The following DPP10 variants were observed in gnomAD, a reference collection of about 807,000 sequenced individuals.
DPP10 encodes the protein inactive dipeptidyl peptidase 10.
DPP10 carries 33 observed loss-of-function variants against 120.9 expected under a neutral mutation model. That is an observed-to-expected ratio of 0.27 (90% CI 0.21 to 0.37). The LOEUF is 0.37. Among genes scored for constraint, DPP10 ranks in the 10% least tolerant of loss-of-function variants. The pLI, the probability that DPP10 is intolerant of heterozygous loss-of-function variation, is 1.00. For missense variants in DPP10, 816 were observed against 942.8 expected (o/e 0.87, Z 1.76); for synonymous variants, 337 against 326.1 (o/e 1.03, Z -0.36).
At chr2:114,594,400 C>T (rs1180246301) in intron 1 of DPP10, among the ~76,000 whole-genome samples, 1 of 148,202 alleles carries the variant, frequency 6.7e-6, no homozygotes, top group Non-Finnish European at 1.5e-5. Context: ...ATATAAACTC[C>T]CTTTTACATA....
At position 114,989,255 on chromosome 2, in the gene DPP10, G is replaced by T. The variant is rs549216584; in HGVS notation, c.61-319984G>T. On this transcript the variant is annotated intron_variant, in intron 1 of 25. Transcript: ENST00000410059. ...CAGTTCATAGGACATTGTCATCAGG[G>T]GTCTATGCAAGGTTCTCTTATATTT... Among the ~76,000 whole-genome samples, 26 of 152,132 alleles carry T rather than the reference G, an allele frequency of 1.7e-4. No individual in the cohort carries two copies. The South Asian group carries it at 3.3e-3, about 19-fold the overall frequency.
chr2:115,111,240 CTTT>C (rs371558664), intron 1 of DPP10, among the ~76,000 whole-genome samples: 1 of 142,578 alleles, frequency 7.0e-6, no homozygotes, highest in Admixed American at 7.0e-5. Context: ...GGTGTTTTTG[CTTT>C]TTTTTTTTTT....
At chr2:115,331,790 A>G (rs772010563) in intron 2 of DPP10, among the ~76,000 whole-genome samples, 2 of 152,160 alleles carry the variant, frequency 1.3e-5, no homozygotes, top group African/African-American at 2.4e-5. Flanking sequence ...ATCATGGTGG[A>G]TAAGCTTTTT....
intron 3 of DPP10, among the ~76,000 whole-genome samples, chr2:115,383,911 T>C (rs1415184553): frequency 6.6e-6 from 1 of 152,180 alleles, no homozygotes; most frequent in Non-Finnish European, 1.5e-5. Context: ...TGTATCTTTT[T>C]AAAAACTTAA....
intron 1 of DPP10, among the ~76,000 whole-genome samples, chr2:115,273,802 C>T (rs150665751): frequency 6.6e-6 from 1 of 152,166 alleles, no homozygotes; most frequent in Non-Finnish European, 1.5e-5. Flanking sequence ...AACACTGATC[C>T]TAAAGATTGA....
rs148663196 is a variant in DPP10 at position 114,456,967 on chromosome 2, G to C, written c.60+14129G>C. Among the ~76,000 whole-genome samples, 468 of 152,294 alleles carry C rather than the reference G, an allele frequency of 3.1e-3. 1 individual carries two copies. The highest frequency in any genetic ancestry group is 0.011 in the African/African-American group (451 of 41,558). On this transcript the variant is annotated intron_variant, in intron 1 of 25. Transcript: ENST00000410059. ...CACAATAAGAAAGCCATGGACAAATGTAGAAAACAGTTAATAAAAGTGATG... is the reference window on the plus strand; with the variant it reads ...CACAATAAGAAAGCCATGGACAAATCTAGAAAACAGTTAATAAAAGTGATG...
rs555376441 is a variant in DPP10, at chr2:114,870,356, A to G, written c.60+427518A>G. 2.6e-5 allele frequency among the ~76,000 whole-genome samples: 4 copies of G among 152,342 alleles called. No homozygotes were observed. In the East Asian group the frequency reaches 7.7e-4, roughly 29 times the overall value. On this transcript the variant is annotated intron_variant, in intron 1 of 25. Transcript: ENST00000410059. ...TGAATACATATTTGACCTGGAGGAA[A>G]TATTCAATGAATTCTATTTTTTATT...
intron 5 of DPP10, among the ~76,000 whole-genome samples, chr2:115,682,934 C>A (rs2090753931): frequency 6.6e-6 from 1 of 151,732 alleles, no homozygotes; most frequent in Admixed American, 6.6e-5. Flanking sequence ...GCCTACTAGA[C>A]CCAAATAAAC....
chr2:115,568,047 G>C (rs543721968), intron 5 of DPP10, among the ~76,000 whole-genome samples: 1 of 152,182 alleles, frequency 6.6e-6, no homozygotes, highest in Admixed American at 6.5e-5. Context: ...GCATAGTGGC[G>C]CAAGCCTGTA....
chr2:115,465,993 G>A (rs1403315023), intron 3 of DPP10, among the ~76,000 whole-genome samples: 1 of 151,960 alleles, frequency 6.6e-6, no homozygotes, highest in Non-Finnish European at 1.5e-5. Context: ...ATTCCATAAT[G>A]GGTAATTACA....
chr2:115,800,899 G>T lies in DPP10; in HGVS notation c.1700+9543G>T, dbSNP rs558065349. 6.8e-4 allele frequency among the ~76,000 whole-genome samples: 103 copies of T among 151,966 alleles called. 2 individuals are homozygous for T. The highest frequency in any genetic ancestry group is 8.2e-4 in the African/African-American group (34 of 41,426). On this transcript the variant is annotated intron_variant, in intron 19 of 25. Coordinates refer to ENST00000410059, the MANE Select transcript of DPP10 (RefSeq NM_020868.6). ...CTCCAGCTTTGTTCTTTTGGCTTAG[G>T]ATTGACTTGGCAATGCGGGCTCTTT...
intron 1 of DPP10, among the ~76,000 whole-genome samples, chr2:114,997,146 AATCT>A (rs72050360): frequency 0.017 from 2,559 of 152,082 alleles, 63 homozygotes; most frequent in African/African-American, 0.06. Flanking sequence ...TCCCCCAATC[AATCT>A]AACTATTAAA....
Position 114,609,579 on chromosome 2 carries a change from T to C in DPP10, c.60+166741T>C, listed in dbSNP as rs578226553. ...AGTGATACCTAGTCCATTACTGTTT[T>C]CTTTGTTTTACAAGTGAGGAAATCT... is the stretch of plus-strand genomic sequence containing the variant. On this transcript the variant is annotated intron_variant, in intron 1 of 25. Transcript: ENST00000410059. Among the ~76,000 whole-genome samples the C allele has an allele frequency of 3.3e-5, 5 of 152,262 alleles. No homozygotes were observed. The South Asian group carries it at 1.0e-3, about 32-fold the overall frequency.
rs186054759 is a variant in DPP10, at chr2:114,975,647, T to G, written c.61-333592T>G. Reference sequence around the variant, plus strand: ...ATCAGTGAACAATTGCTTTATTTATTTATTCATTTATTTATTTATTTGTGA... The same window carrying G: ...ATCAGTGAACAATTGCTTTATTTATGTATTCATTTATTTATTTATTTGTGA... On this transcript the variant is annotated intron_variant, in intron 1 of 25. Coordinates refer to ENST00000410059, the MANE Select transcript of DPP10 (RefSeq NM_020868.6). Among the ~76,000 whole-genome samples the G allele has an allele frequency of 2.6e-5, 4 of 152,296 alleles. No homozygotes were observed. The East Asian group carries it at 5.8e-4, about 22-fold the overall frequency.
intron 5 of DPP10, among the ~76,000 whole-genome samples, chr2:115,659,411 A>G (rs2088699810): frequency 6.6e-6 from 1 of 152,146 alleles, no homozygotes. Context: ...GACCAAAAAA[A>G]AAAGTTTAGA....
intron 21 of DPP10, 129 bp from the exon 22 acceptor site, chr2:115,836,027 CA>C: frequency 2.3e-6 from 1 of 431,746 alleles, no homozygotes; most frequent in Non-Finnish European, 3.8e-6. Context: ...ATATGATGTA[CA>C]GTACCAAACA....
chr2:114,447,442 T>C (rs960235196), intron 1 of DPP10, among the ~76,000 whole-genome samples: 2 of 152,152 alleles, frequency 1.3e-5, no homozygotes, highest in Admixed American at 6.5e-5. Context: ...AATTTAGAAA[T>C]GCAAGGAATG....
At chr2:115,237,737 T>C (rs2058073702) in intron 1 of DPP10, among the ~76,000 whole-genome samples, 1 of 152,158 alleles carries the variant, frequency 6.6e-6, no homozygotes, top group Non-Finnish European at 1.5e-5. Flanking sequence ...GTTTTAATGG[T>C]CTGTATAGAT....
At chr2:115,300,148 A>G (rs910443849) in intron 1 of DPP10, among the ~76,000 whole-genome samples, 2 of 152,198 alleles carry the variant, frequency 1.3e-5, no homozygotes, top group East Asian at 1.9e-4. Context: ...CTGTGCAACC[A>G]TCACCACCAG....
Sources: allele counts gnomAD v4.1 joint callset (sites outside exome capture counted in the v4.1 genomes callset), GRCh38; gene constraint gnomAD v4.1.1; transcripts MANE v1.5; gene names NCBI Gene and HGNC (gene_info 2026-07-23, HGNC 2026-07-21).